Variants in LSAMP observed in about 807,000 individuals in gnomAD.
The protein encoded by LSAMP is limbic system-associated membrane protein.
A neutral mutation model predicts 38.6 loss-of-function variants in LSAMP; 7 were observed. That is an observed-to-expected ratio of 0.18 (90% CI 0.10 to 0.34). The LOEUF (loss-of-function observed/expected upper bound fraction) is 0.34. Ranked by LOEUF, LSAMP falls within the 10% of genes least tolerant of loss-of-function variation. The pLI is 1.00. For synonymous variants in LSAMP, 154 were observed against 166.8 expected (o/e 0.92, Z 0.59); for missense variants, 313 against 420.0 (o/e 0.75, Z 2.23).
At chr3:116,292,669 T>A (rs1223178928) in intron 1 of LSAMP, among the ~76,000 whole-genome samples, 4 of 152,186 alleles carry the variant, frequency 2.6e-5, no homozygotes, top group African/African-American at 9.6e-5. Context: ...TGATCTGGCC[T>A]CCTGACTGGT....
chr3:115,908,891 G>T (rs1937074438), intron 3 of LSAMP, among the ~76,000 whole-genome samples: 1 of 152,124 alleles, frequency 6.6e-6, no homozygotes, highest in South Asian at 2.1e-4. Context: ...TCTGTCTTCA[G>T]TCAAGAGTGA....
chr3:116,093,765 T>C (rs1559740073), intron 1 of LSAMP, among the ~76,000 whole-genome samples: 2 of 152,290 alleles, frequency 1.3e-5, no homozygotes, highest in East Asian at 3.9e-4. Context: ...TCTCCCTCTT[T>C]TGTAAGATAT....
intron 1 of LSAMP, among the ~76,000 whole-genome samples, chr3:116,214,332 A>C (rs2046195511): frequency 6.6e-6 from 1 of 152,096 alleles, no homozygotes; most frequent in African/African-American, 2.4e-5. Context: ...TGATCATTTT[A>C]CCAAATGCTC....
chr3:116,106,431 G>A (rs764726389), intron 1 of LSAMP, among the ~76,000 whole-genome samples: 15 of 152,290 alleles, frequency 9.8e-5, no homozygotes, highest in Non-Finnish European at 2.1e-4. Flanking sequence ...TAATAAAAAG[G>A]AGTGTCTATA....
intron 3 of LSAMP, among the ~76,000 whole-genome samples, chr3:115,855,061 G>C (rs1464642008): frequency 6.6e-6 from 1 of 152,182 alleles, no homozygotes; most frequent in Admixed American, 6.5e-5. Flanking sequence ...GAGAGAACAA[G>C]GATAATCTTA....
chr3:116,244,636 CCACAGAG>C (rs1281695098), intron 1 of LSAMP, among the ~76,000 whole-genome samples: 1 of 152,190 alleles, frequency 6.6e-6, no homozygotes, highest in Non-Finnish European at 1.5e-5. Flanking sequence ...TATTAATAAT[CCACAGAG>C]CACTCTCATC....
At chr3:116,278,883 T>G (rs2047088064) in intron 1 of LSAMP, among the ~76,000 whole-genome samples, 1 of 152,202 alleles carries the variant, frequency 6.6e-6, no homozygotes, top group African/African-American at 2.4e-5. Flanking sequence ...TCAAAGAAGA[T>G]GGATAGCTAT....
intron 4 of LSAMP, among the ~76,000 whole-genome samples, chr3:115,847,603 G>T (rs1352431954): frequency 6.6e-6 from 1 of 152,144 alleles, no homozygotes; most frequent in Non-Finnish European, 1.5e-5. Flanking sequence ...CATGGGGGCA[G>T]TTCCCCCGTG....
rs998807275 is a variant in LSAMP, at chr3:115,905,520, C to A, written c.515-52903G>T. Among the ~76,000 whole-genome samples, 3 of 152,136 alleles carry A rather than the reference C, an allele frequency of 2.0e-5. No homozygotes were observed. The South Asian group carries it at 6.2e-4, about 32-fold the overall frequency. ...TGAACAACACTGATTTCAATTAAATCCAAAATAGATACCCCAGAGTCCTCC... is the reference window on the plus strand; with the variant it reads ...TGAACAACACTGATTTCAATTAAATACAAAATAGATACCCCAGAGTCCTCC... On this transcript the variant is annotated intron_variant, in intron 3 of 6. Coordinates refer to ENST00000490035, the MANE Select transcript of LSAMP (RefSeq NM_002338.5).
intron 1 of LSAMP, among the ~76,000 whole-genome samples, chr3:116,195,210 C>G (rs1477476656): frequency 6.6e-6 from 1 of 152,204 alleles, no homozygotes; most frequent in Non-Finnish European, 1.5e-5. Context: ...CCAGTTGATG[C>G]TAGTCACTGG....
intron 3 of LSAMP, among the ~76,000 whole-genome samples, chr3:115,936,135 C>T (rs570364750): frequency 2.1e-3 from 319 of 152,334 alleles, no homozygotes; most frequent in African/African-American, 7.5e-3. Flanking sequence ...ACCACACTTT[C>T]TTACAACATT....
chr3:116,185,931 A>G (rs910680036), intron 1 of LSAMP, among the ~76,000 whole-genome samples: 5 of 151,574 alleles, frequency 3.3e-5, no homozygotes, highest in African/African-American at 1.2e-4. Flanking sequence ...TTTCTCCTTT[A>G]AAGAAAAGTA....
At chr3:116,180,224 G>C (rs1476512737) in intron 1 of LSAMP, among the ~76,000 whole-genome samples, 1 of 152,006 alleles carries the variant, frequency 6.6e-6, no homozygotes, top group Non-Finnish European at 1.5e-5. Flanking sequence ...ATGGAACTTA[G>C]AGTTCAACTG....
rs559078867 is a variant in LSAMP at position 116,085,453 on chromosome 3, T to A, written c.388+871A>T. Among the ~76,000 whole-genome samples, 7 of 152,364 alleles carry A rather than the reference T, an allele frequency of 4.6e-5. 1 individual carries two copies. The South Asian group carries it at 1.4e-3, about 32-fold the overall frequency. On this transcript the variant is annotated intron_variant, in intron 2 of 6. Transcript: ENST00000490035. ...TTGACAGGAGCCCTAGGGCCATGCC[T>A]AATTTGCATTAAATTTACATAGAAT...
At chr3:116,183,442 C>T (rs986271444) in intron 1 of LSAMP, among the ~76,000 whole-genome samples, 1 of 151,798 alleles carries the variant, frequency 6.6e-6, no homozygotes, top group Non-Finnish European at 1.5e-5. Context: ...TAAACACATA[C>T]ACAGGTATTA....
chr3:115,824,014 C>T (rs559422682), intron 6 of LSAMP, among the ~76,000 whole-genome samples: 1 of 152,310 alleles, frequency 6.6e-6, no homozygotes, highest in Non-Finnish European at 1.5e-5. Context: ...ACACTCTCAA[C>T]ATAAAGAGAA....
Position 116,093,173 on chromosome 3 carries a change from A to G in LSAMP, c.156-6617T>C, listed in dbSNP as rs566999794. ...AGATAAGTGGTCCCAAGTGAAGGCA[A>G]TCTGTGCCCCTAGATGACACTGACA... On this transcript the variant is annotated intron_variant, in intron 1 of 6. Transcript: ENST00000490035. 3.2e-4 allele frequency among the ~76,000 whole-genome samples: 48 copies of G among 152,294 alleles called. 1 individual carries two copies. In the South Asian group the frequency reaches 9.5e-3, roughly 30 times the overall value.
chr3:116,007,082 T>C lies in LSAMP; in HGVS notation c.514+12433A>G, dbSNP rs556082298. 9.8e-5 allele frequency among the ~76,000 whole-genome samples: 15 copies of C among 152,346 alleles called. No homozygotes were observed. The East Asian group carries it at 2.9e-3, about 29-fold the overall frequency. On this transcript the variant is annotated intron_variant, in intron 3 of 6. Coordinates refer to ENST00000490035, the MANE Select transcript of LSAMP (RefSeq NM_002338.5). ...GAATTAGATCTGATTTGCATTGATA[T>C]TTGCCAACTGAATTATTGAAGTTTT...
At chr3:116,082,701 C>T (rs1357330992) in intron 2 of LSAMP, among the ~76,000 whole-genome samples, 2 of 152,124 alleles carry the variant, frequency 1.3e-5, no homozygotes, top group Non-Finnish European at 2.9e-5. Flanking sequence ...AAATATTATG[C>T]AGCCATAAAA....
Sources: allele counts gnomAD v4.1 joint callset (sites outside exome capture counted in the v4.1 genomes callset), GRCh38; gene constraint gnomAD v4.1.1; transcripts MANE v1.5; gene names NCBI Gene and HGNC (gene_info 2026-07-23, HGNC 2026-07-21).